Variants in HIPK1 observed in about 807,000 individuals in gnomAD.
HIPK1 encodes the protein homeodomain-interacting protein kinase 1.
In HIPK1, 28 loss-of-function variants were observed where a neutral mutation model predicts 117.1. The ratio of observed to expected loss-of-function variants is 0.24; its 90% CI spans 0.18 to 0.33. The LOEUF is 0.33. Among genes scored for constraint, HIPK1 ranks in the 10% least tolerant of loss-of-function variants. The pLI, the probability that HIPK1 is intolerant of heterozygous loss-of-function variation, is 1.00. For missense variants in HIPK1, 1,122 were observed against 1,475.1 expected (o/e 0.76, Z 3.92); for synonymous variants, 605 against 562.5 (o/e 1.08, Z -1.07).
intron 2 of HIPK1, among the ~76,000 whole-genome samples, chr1:113,946,715 A>C (rs1452546875): frequency 1.3e-5 from 2 of 152,238 alleles, no homozygotes; most frequent in African/African-American, 4.8e-5. Context: ...GTTGACTATA[A>C]TTTTAAGTGG....
chr1:113,970,011 C>G lies in HIPK1; in HGVS notation c.2827C>G (p.Pro943Ala). The change falls in exon 14 of 16, where the codon CCA (proline) becomes GCA (alanine). Residue 943 changes from proline to alanine, a missense_variant. Pro to Ala is a conservative substitution (Grantham distance 27). This residue lies in a region of HIPK1 where 731 missense variants were observed against 860.4 expected (regional missense o/e 0.85). Coordinates refer to ENST00000426820, the MANE Select transcript of HIPK1 (RefSeq NM_198268.3). The stretch of plus-strand genomic sequence containing the variant: ...CAGTTATGTCACTGTCAATGATTCT[C>G]CAGACTCTGACTCTTCTTTGAGCAG... ...VISYVTVNDS[P>A]DSDSSLSSPY... 6.2e-7 allele frequency: 1 copy of G among 1,614,146 alleles called. No individual in the cohort carries two copies. The highest frequency in any genetic ancestry group is 8.5e-7 in the Non-Finnish European group (1 of 1,179,950).
chr1:113,940,119 T>C (rs1670552445), intron 1 of HIPK1, among the ~76,000 whole-genome samples: 1 of 152,152 alleles, frequency 6.6e-6, no homozygotes, highest in South Asian at 2.1e-4. Context: ...CTGGTTACTT[T>C]TTTATCTTAA....
chr1:113,931,168 GTTTT>G (rs35159791), intron 1 of HIPK1, among the ~76,000 whole-genome samples: 1 of 137,002 alleles, frequency 7.3e-6, no homozygotes, highest in Admixed American at 7.2e-5. Context: ...TGGTCTGTGG[GTTTT>G]TTTTTTTTTT....
At chr1:113,955,994 C>G (rs1256607900) in intron 5 of HIPK1, among the ~76,000 whole-genome samples, 1 of 149,582 alleles carries the variant, frequency 6.7e-6, no homozygotes, top group Admixed American at 6.6e-5. Context: ...ACACTTATGT[C>G]ATTTAATTTT....
rs2101167909 is a variant in HIPK1 at position 113,940,567 on chromosome 1, G to C, written c.184G>C (p.Val62Leu). Residue 62 changes from valine (V) to leucine (L), a missense_variant, in exon 2 of 16, where the codon GTA (valine) becomes CTA (leucine). By Grantham distance (32) the Val-to-Leu change is conservative (BLOSUM62 1). This residue lies in a region of HIPK1 where 192 missense variants were observed against 234.0 expected (regional missense o/e 0.82). Coordinates refer to ENST00000426820, the MANE Select transcript of HIPK1 (RefSeq NM_198268.3). ...AGGGCAAGCCAACTCCTCTCACCAG[G>C]TAGCAAATTTCAACATCCCTGCTTA... ...TQGQANSSHQ[V>L]ANFNIPAYDQ... 2 of 1,614,118 alleles carry C rather than the reference G, an allele frequency of 1.2e-6. No individual in the cohort carries two copies. The highest frequency in any genetic ancestry group is 1.6e-4 in the Middle Eastern group (1 of 6,062).
chr1:113,973,603 C>T lies in HIPK1; in HGVS notation c.*91C>T. ...CTATGGAGAGATCCTCCTTTACCCT[C>T]TTGAAATTTCTTAGCCAGCAACTTG... On this transcript the variant is annotated 3_prime_UTR_variant, in exon 16 of 16. Coordinates refer to ENST00000426820, the MANE Select transcript of HIPK1 (RefSeq NM_198268.3). The T allele has an allele frequency of 1.4e-6, 2 of 1,420,532 alleles. No homozygotes were observed. Among genetic ancestry groups the T allele is most frequent in the Non-Finnish European group, 9.4e-7 (1 of 1,068,726 alleles). The allele number at this position is 1,420,532 out of a possible 1,614,324, so 88.0% of individuals were successfully genotyped here. A position where few individuals can be genotyped will look rare whatever the true frequency, so the allele number is the denominator to read the frequency against.
rs1200355554 is a variant in HIPK1 at position 113,974,516 on chromosome 1, C to T, written c.*1004C>T. On this transcript the variant is annotated 3_prime_UTR_variant, in exon 16 of 16. Transcript: ENST00000426820. ...TACACCTCTGTTTTGCTCATCTCTC[C>T]CTTCTGTTTTATGTGATTTGTTTGG... is the stretch of plus-strand genomic sequence containing the variant. 2.6e-5 allele frequency: 4 copies of T among 152,528 alleles called. No homozygotes were observed. Among genetic ancestry groups the T allele is most frequent in the African/African-American group, 9.7e-5 (4 of 41,374 alleles). The allele number at this position is 152,528 out of a possible 1,614,324, so 9.4% of individuals were successfully genotyped here.
At chr1:113,935,086 A>G (rs376288773) in intron 1 of HIPK1, among the ~76,000 whole-genome samples, 14 of 149,842 alleles carry the variant, frequency 9.3e-5, no homozygotes, top group African/African-American at 1.7e-4. Context: ...TAGGTAATCT[A>G]TATGTCACAG....
At chr1:113,931,976 C>T (rs1240513794) in intron 1 of HIPK1, among the ~76,000 whole-genome samples, 1 of 152,160 alleles carries the variant, frequency 6.6e-6, no homozygotes, top group Non-Finnish European at 1.5e-5. Flanking sequence ...CCCTTTGTGC[C>T]ATTCTGAACA....
intron 1 of HIPK1, among the ~76,000 whole-genome samples, chr1:113,938,965 T>TACACACAC (rs1558126082): frequency 0.037 from 4,087 of 109,244 alleles, 119 homozygotes; most frequent in Middle Eastern, 0.053. Flanking sequence ...CACACACACT[T>TACACACAC]AGGAGATGGA....
intron 2 of HIPK1, among the ~76,000 whole-genome samples, chr1:113,948,868 C>A (rs954009100): frequency 6.6e-6 from 1 of 151,884 alleles, no homozygotes; most frequent in Non-Finnish European, 1.5e-5. Flanking sequence ...GACGGAGTTT[C>A]GCTCTTACGC....
At chr1:113,956,875 T>C in intron 6 of HIPK1, 64 bp downstream of exon 6, 1 of 1,446,586 alleles carries the variant, frequency 6.9e-7, no homozygotes, top group Non-Finnish European at 9.6e-7. Context: ...GCCTTATCAA[T>C]GGCACTATCA....
chr1:113,945,074 C>T (rs1670900684), intron 2 of HIPK1, among the ~76,000 whole-genome samples: 1 of 151,574 alleles, frequency 6.6e-6, no homozygotes, highest in African/African-American at 2.4e-5. Flanking sequence ...GTCTCAAACT[C>T]ATAGGCTCAA....
chr1:113,967,344 A>G (rs1355462565), intron 11 of HIPK1, among the ~76,000 whole-genome samples: 1 of 152,200 alleles, frequency 6.6e-6, no homozygotes, highest in Middle Eastern at 3.2e-3. Flanking sequence ...TCCTACCAAC[A>G]GTGTACAATT....
intron 2 of HIPK1, among the ~76,000 whole-genome samples, chr1:113,947,881 G>A (rs1287763356): frequency 6.6e-6 from 1 of 152,142 alleles, no homozygotes; most frequent in Non-Finnish European, 1.5e-5. Flanking sequence ...TCACTTTCCT[G>A]TGCTTCTGTA....
rs1407171357 is a variant in HIPK1, at chr1:113,960,149, A to T, written c.1981+1858A>T. Among the ~76,000 whole-genome samples the T allele has an allele frequency of 2.6e-5, 4 of 152,326 alleles. No individual in the cohort carries two copies. In the East Asian group the frequency reaches 7.7e-4, roughly 29 times the overall value. ...CTTTTCTTGGACTATCTGTTCTTTTACAAGATGACTATACTTACAGGAGGA... is the reference window on the plus strand; with the variant it reads ...CTTTTCTTGGACTATCTGTTCTTTTTCAAGATGACTATACTTACAGGAGGA... On this transcript the variant is annotated intron_variant, in intron 8 of 15. Coordinates refer to ENST00000426820, the MANE Select transcript of HIPK1 (RefSeq NM_198268.3).
intron 2 of HIPK1, among the ~76,000 whole-genome samples, chr1:113,948,634 A>G (rs1448008346): frequency 6.7e-6 from 1 of 149,424 alleles, no homozygotes; most frequent in East Asian, 2.0e-4. Flanking sequence ...GATACGGTAG[A>G]GTTGCTGTTT....
At chr1:113,955,851 T>C (rs1671681747) in intron 5 of HIPK1, among the ~76,000 whole-genome samples, 1 of 152,200 alleles carries the variant, frequency 6.6e-6, no homozygotes. Context: ...ATTTCTCTCT[T>C]GCTTTACTTG....
At chr1:113,968,999 G>A (rs1672643424) in intron 13 of HIPK1, among the ~76,000 whole-genome samples, 1 of 152,180 alleles carries the variant, frequency 6.6e-6, no homozygotes, top group African/African-American at 2.4e-5. Flanking sequence ...CAGCCTGAGT[G>A]ACAGAGCAAG....
Sources: allele counts gnomAD v4.1 joint callset (sites outside exome capture counted in the v4.1 genomes callset), GRCh38; gene constraint gnomAD v4.1.1; regional missense constraint gnomAD v4.1.1; transcripts MANE v1.5; gene names NCBI Gene and HGNC (gene_info 2026-07-23, HGNC 2026-07-21).